UIMC1: variants seen among roughly 807,000 people sequenced by gnomAD.
UIMC1 encodes ubiquitin interaction motif containing 1, also known as BRCA1-A complex subunit RAP80.
Under a neutral mutation model 84.9 loss-of-function variants are expected in UIMC1, and 42 were observed. The observed-to-expected ratio is 0.49, with a 90% CI of 0.39 to 0.64. UIMC1 has a LOEUF of 0.64. Among genes scored for constraint, UIMC1 ranks in the 30% least tolerant of loss-of-function variants. UIMC1 has a pLI of 0.00. For synonymous variants in UIMC1, 281 were observed against 293.0 expected, an observed-to-expected ratio of 0.96 and a Z score of 0.42; for missense variants, 825 against 847.6, an observed-to-expected ratio of 0.97 and a Z score of 0.33.
chr5:176,970,681 CACAG>C (rs746239513), intron 4 of UIMC1, 57 bp downstream of exon 4: 1 of 1,612,094 alleles, frequency 6.2e-7, no homozygotes, highest in Admixed American at 1.7e-5. Context: ...ACTACAACAC[CACAG>C]AAGTCAAAAA....
At chr5:176,932,649 C>G (rs1227289700) in intron 10 of UIMC1, among the ~76,000 whole-genome samples, 4 of 152,144 alleles carry the variant, frequency 2.6e-5, no homozygotes, top group Admixed American at 2.6e-4. Flanking sequence ...TAGCAAAATA[C>G]ATGTATTTCA....
At position 176,983,918 on chromosome 5, in the gene UIMC1, C is replaced by T. The variant is rs374882122; in HGVS notation, c.-8-1295G>A. ...CTGGGATGTGAGGAGCACCTCTGCC[C>T]GGCCACCCCATCTGGGAAGTGAGGA... is the stretch of plus-strand genomic sequence containing the variant. On this transcript the variant is annotated intron_variant, in intron 1 of 14. Coordinates refer to ENST00000511320, the MANE Select transcript of UIMC1 (RefSeq NM_001199298.2). Among the ~76,000 whole-genome samples, 7 of 148,126 alleles carry T rather than the reference C, an allele frequency of 4.7e-5. No homozygotes were observed. The South Asian group carries it at 6.5e-4, about 14-fold the overall frequency.
intron 1 of UIMC1, among the ~76,000 whole-genome samples, chr5:177,002,830 G>A (rs545580572): frequency 6.6e-6 from 1 of 152,104 alleles, no homozygotes; most frequent in African/African-American, 2.4e-5. Context: ...TATTTGATGA[G>A]TGAATATTTC....
At position 176,905,296 on chromosome 5, in the gene UIMC1, T is replaced by G. The variant is rs899099200; in HGVS notation, c.2146A>C (p.Arg716=). 1.6e-5 allele frequency: 26 copies of G among 1,613,900 alleles called. No individual in the cohort carries two copies. Among genetic ancestry groups the G allele is most frequent in the Non-Finnish European group, 2.2e-5 (26 of 1,179,900 alleles). Residue 716 remains arginine (R), a synonymous_variant, in exon 15 of 15, where the codon AGG becomes CGG. Transcript: ENST00000511320. ...RTRTKAGRGR[R]RKF ...ACCCTAGAAATTCAGAATTTTCTCCTTCTTCCTCTGCCAGCTTTGGTCCGT... is the reference window on the plus strand; with the variant it reads ...ACCCTAGAAATTCAGAATTTTCTCCGTCTTCCTCTGCCAGCTTTGGTCCGT...
intron 1 of UIMC1, chr5:177,006,348 G>C (rs1020766080): frequency 6.6e-6 from 1 of 152,138 alleles, no homozygotes; most frequent in Non-Finnish European, 1.5e-5. Context: ...AGTAATGGCC[G>C]GTCCCGGCGT....
At chr5:177,003,489 C>T (rs1039412183) in intron 1 of UIMC1, among the ~76,000 whole-genome samples, 1 of 152,102 alleles carries the variant, frequency 6.6e-6, no homozygotes, top group African/African-American at 2.4e-5. Flanking sequence ...CCCGTCTCTA[C>T]TAAAAATACA....
At chr5:177,012,853 A>C (rs1374450847) in intron 1 of UIMC1, among the ~76,000 whole-genome samples, 2 of 152,076 alleles carry the variant, frequency 1.3e-5, no homozygotes, top group Non-Finnish European at 2.9e-5. Flanking sequence ...AGGCAGGAGG[A>C]TTACTTATGG....
intron 9 of UIMC1, among the ~76,000 whole-genome samples, chr5:176,944,681 T>C (rs1330656496): frequency 2.0e-5 from 3 of 152,202 alleles, no homozygotes; most frequent in Non-Finnish European, 2.9e-5. Context: ...ACTGGGTCTT[T>C]TGGGGTAAGA....
At chr5:176,998,377 T>C (rs1345388693) in intron 1 of UIMC1, among the ~76,000 whole-genome samples, 3 of 143,652 alleles carry the variant, frequency 2.1e-5, no homozygotes, top group Non-Finnish European at 3.0e-5. Flanking sequence ...GGCACAAGAA[T>C]CACTTGAACC....
At chr5:176,978,099 C>T (rs919178142) in intron 2 of UIMC1, among the ~76,000 whole-genome samples, 1 of 151,934 alleles carries the variant, frequency 6.6e-6, no homozygotes, top group Non-Finnish European at 1.5e-5. Context: ...AGGCCGGGTG[C>T]GGTGACTCAC....
At chr5:177,000,692 G>C (rs769873795) in intron 1 of UIMC1, among the ~76,000 whole-genome samples, 1 of 151,590 alleles carries the variant, frequency 6.6e-6, no homozygotes, top group Non-Finnish European at 1.5e-5. Flanking sequence ...TAGAGATGGG[G>C]TTTCTCTATG....
At chr5:176,963,322 A>G (rs1393649205) in intron 6 of UIMC1, among the ~76,000 whole-genome samples, 1 of 152,040 alleles carries the variant, frequency 6.6e-6, no homozygotes, top group Admixed American at 6.6e-5. Context: ...GCAGTTCAAG[A>G]CCAGACTGGC....
intron 10 of UIMC1, among the ~76,000 whole-genome samples, chr5:176,912,609 A>C (rs1330383676): frequency 6.6e-6 from 1 of 151,434 alleles, no homozygotes; most frequent in Non-Finnish European, 1.5e-5. Flanking sequence ...AGTAGTTAGG[A>C]CTACAGGTAT....
chr5:176,966,427 A>G (rs889900582), intron 6 of UIMC1, among the ~76,000 whole-genome samples: 1 of 152,250 alleles, frequency 6.6e-6, no homozygotes. Context: ...TATTCTATGA[A>G]GCTCCTCAAA....
At chr5:177,003,026 T>G (rs548157369) in intron 1 of UIMC1, among the ~76,000 whole-genome samples, 1 of 152,154 alleles carries the variant, frequency 6.6e-6, no homozygotes, top group Non-Finnish European at 1.5e-5. Context: ...CTATAAATAT[T>G]TGCTGAGTGA....
At chr5:177,001,753 C>T (rs1452892165) in intron 1 of UIMC1, among the ~76,000 whole-genome samples, 1 of 147,118 alleles carries the variant, frequency 6.8e-6, no homozygotes, top group Non-Finnish European at 1.5e-5. Flanking sequence ...TCCTGGCTAA[C>T]ACAGTGAAAA....
intron 10 of UIMC1, among the ~76,000 whole-genome samples, chr5:176,922,521 A>G (rs1348356902): frequency 6.6e-6 from 1 of 152,226 alleles, no homozygotes; most frequent in African/African-American, 2.4e-5. Flanking sequence ...CTCTGCTTTT[A>G]GTCTCCTCCA....
At chr5:176,922,645 T>A (rs1326477705) in intron 10 of UIMC1, among the ~76,000 whole-genome samples, 1 of 152,264 alleles carries the variant, frequency 6.6e-6, no homozygotes, top group Non-Finnish European at 1.5e-5. Flanking sequence ...TTGTTATAAA[T>A]AATGCTTTGA....
intron 1 of UIMC1, among the ~76,000 whole-genome samples, chr5:176,995,269 C>T (rs1047376794): frequency 1.3e-5 from 2 of 152,034 alleles, no homozygotes; most frequent in African/African-American, 2.4e-5. Flanking sequence ...AACTTGTGGG[C>T]TGGGCATGGT....
Sources: gnomAD v4.1 joint callset for allele counts (sites outside exome capture counted in the v4.1 genomes callset) on GRCh38, gnomAD v4.1.1 for gene constraint, MANE v1.5 for transcripts, NCBI Gene and HGNC (gene_info 2026-07-23, HGNC 2026-07-21) for gene names.